GGPS1: variants seen among roughly 807,000 people sequenced by gnomAD.
The protein encoded by GGPS1 is geranylgeranyl diphosphate synthase 1.
Under a neutral mutation model 28.1 loss-of-function variants are expected in GGPS1, and 15 were observed. That is an observed-to-expected ratio of 0.53 (90% CI 0.36 to 0.82). The LOEUF is 0.82. Ranked by LOEUF, GGPS1 falls within the 40% of genes least tolerant of loss-of-function variation. The probability of loss-of-function intolerance (pLI) is 0.01; values close to 1 mark genes in which losing one functional copy is unlikely to be tolerated. For missense variants in GGPS1, 284 were observed against 348.3 expected (o/e 0.82, Z 1.47); for synonymous variants, 138 against 122.4 (o/e 1.13, Z -0.84).
At chr1:235,333,577 A>C (rs1675780626) in intron 1 of GGPS1, among the ~76,000 whole-genome samples, 1 of 151,974 alleles carries the variant, frequency 6.6e-6, no homozygotes, top group South Asian at 2.1e-4. Flanking sequence ...CAAAAAAAAA[A>C]AACAAAAGGA....
In GGPS1 at chr1:235,343,192, C is replaced by T. The variant is rs1308552804; in HGVS notation, c.*420C>T. ...CCAAAGACCACAAATCTCTTTTTTTCCTAAACGCTGCTGTAAGGAATATCT... is the reference window on the plus strand; with the variant it reads ...CCAAAGACCACAAATCTCTTTTTTTTCTAAACGCTGCTGTAAGGAATATCT... On this transcript the variant is annotated 3_prime_UTR_variant, in exon 4 of 4. Coordinates refer to ENST00000282841, the MANE Select transcript of GGPS1 (RefSeq NM_004837.4). 3 of 168,402 alleles carry T rather than the reference C, an allele frequency of 1.8e-5. No homozygotes were observed. The highest frequency in any genetic ancestry group is 7.2e-5 in the African/African-American group (3 of 41,464). 10.4% of individuals were successfully genotyped at this position (168,402 alleles called of 1,614,324 possible).
chr1:235,335,342 T>G lies in GGPS1; in HGVS notation c.70+8T>G. The G allele has an allele frequency of 7.5e-7, 1 of 1,335,020 alleles. No individual in the cohort carries two copies. Among genetic ancestry groups the G allele is most frequent in the South Asian group, 1.2e-5 (1 of 84,068 alleles). The allele number at this position is 1,335,020 out of a possible 1,614,324, so 82.7% of individuals were successfully genotyped here. A position where few individuals can be genotyped will look rare whatever the true frequency, so the allele number is the denominator to read the frequency against. ...ACTTACTTCAGTTACCAGGTAATAC[T>G]TCACTTACAGTCCATATAGGGTCAT... On this transcript the variant is annotated splice_region_variant and intron_variant, in intron 2 of 3. Transcript: ENST00000282841.
At position 235,343,500 on chromosome 1, in the gene GGPS1, G is replaced by C. The variant is rs1234574300; in HGVS notation, c.*728G>C. 2 of 166,022 alleles carry C rather than the reference G, an allele frequency of 1.2e-5. No individual in the cohort carries two copies. The highest frequency in any genetic ancestry group is 2.9e-5 in the Non-Finnish European group (2 of 68,238). The allele number at this position is 166,022 out of a possible 1,614,324, so 10.3% of individuals were successfully genotyped here. A position where few individuals can be genotyped will look rare whatever the true frequency, so the allele number is the denominator to read the frequency against. Reference sequence around the variant, plus strand: ...CAGGAGGCGGAGCTTGCAGTGAGCCGAGATAGTGCCTCTGCACTCCAGCCT... The same window carrying C: ...CAGGAGGCGGAGCTTGCAGTGAGCCCAGATAGTGCCTCTGCACTCCAGCCT... On this transcript the variant is annotated 3_prime_UTR_variant, in exon 4 of 4. Coordinates refer to ENST00000282841, the MANE Select transcript of GGPS1 (RefSeq NM_004837.4).
At chr1:235,341,869 T>G (rs542868262) in intron 3 of GGPS1, 91 bp downstream of exon 3, 1 of 915,566 alleles carries the variant, frequency 1.1e-6, no homozygotes, top group Admixed American at 2.3e-5. Context: ...TTAGTCCTCA[T>G]GCAAGATATT....
chr1:235,327,471 C>G (rs1347454596), upstream of GGPS1: 1 of 152,240 alleles, frequency 6.6e-6, no homozygotes, highest in South Asian at 2.1e-4. Flanking sequence ...GGAGCGAGAT[C>G]AACATCTGGC....
In GGPS1 at chr1:235,328,574, T is replaced by A. The variant is rs1171125612; in HGVS notation, c.-228T>A. The A allele has an allele frequency of 6.6e-6, 1 of 152,626 alleles. No homozygotes were observed. Among genetic ancestry groups the A allele is most frequent in the Non-Finnish European group, 1.5e-5 (1 of 68,134 alleles). 9.5% of individuals were successfully genotyped at this position (152,626 alleles called of 1,614,324 possible). ...AGGCGGCAACGACGCCTGCGCAGTG[T>A]GACCGGGATGGCGCATTTTCTTGCA... On this transcript the variant is annotated 5_prime_UTR_variant, in exon 1 of 4. Coordinates refer to ENST00000282841, the MANE Select transcript of GGPS1 (RefSeq NM_004837.4).
intron 1 of GGPS1, chr1:235,329,856 G>T (rs1011680663): frequency 6.6e-6 from 1 of 152,234 alleles, no homozygotes; most frequent in African/African-American, 2.4e-5. Flanking sequence ...CGACGAGGAG[G>T]CTATTGCCGT....
At chr1:235,337,318 C>T (rs1413394806) in intron 2 of GGPS1, among the ~76,000 whole-genome samples, 1 of 152,142 alleles carries the variant, frequency 6.6e-6, no homozygotes, top group African/African-American at 2.4e-5. Context: ...ATGCTGTGAC[C>T]ACCTTCTGTG....
chr1:235,340,559 A>AC (rs1676006634), intron 2 of GGPS1, among the ~76,000 whole-genome samples: 2 of 149,882 alleles, frequency 1.3e-5, no homozygotes, highest in South Asian at 4.2e-4. Context: ...ACACGGTGAA[A>AC]CCCCGTCTCT....
chr1:235,340,880 G>A (rs1209437548), intron 2 of GGPS1, among the ~76,000 whole-genome samples: 1 of 151,330 alleles, frequency 6.6e-6, no homozygotes, highest in Non-Finnish European at 1.5e-5. Flanking sequence ...TCTCATTTTT[G>A]AAAGGAAAGA....
At position 235,342,192 on chromosome 1, in the gene GGPS1, A is replaced by G. The variant is rs1219660019; in HGVS notation, c.323A>G (p.His108Arg). Residue 108 changes from histidine to arginine, a missense_variant, in exon 4 of 4, where the codon CAC becomes CGC. By Grantham distance (29) the His-to-Arg change is conservative (BLOSUM62 0). Coordinates refer to ENST00000282841, the MANE Select transcript of GGPS1 (RefSeq NM_004837.4). Reference protein sequence around the residue: ...LGLEKVLTLDHPDAVKLFTRQ... With the variant: ...LGLEKVLTLDRPDAVKLFTRQ... ...TTGGAGAAAGTCTTAACCCTTGATC[A>G]CCCAGATGCAGTGAAGCTTTTTACC... 2 of 1,613,880 alleles carry G rather than the reference A, an allele frequency of 1.2e-6. No homozygotes were observed. Among genetic ancestry groups the G allele is most frequent in the South Asian group, 2.2e-5 (2 of 91,052 alleles).
chr1:235,338,867 A>G (rs1054025706), intron 2 of GGPS1, among the ~76,000 whole-genome samples: 1 of 152,040 alleles, frequency 6.6e-6, no homozygotes, highest in African/African-American at 2.4e-5. Flanking sequence ...CCCTGTCTCA[A>G]AAATAATAAT....
chr1:235,339,209 G>T (rs1675955616), intron 2 of GGPS1, among the ~76,000 whole-genome samples: 1 of 151,958 alleles, frequency 6.6e-6, no homozygotes, highest in East Asian at 1.9e-4. Context: ...TGAGGCAGGA[G>T]AATCGCTTGA....
intron 3 of GGPS1, 44 bp from the exon 4 acceptor site, chr1:235,341,966 GT>G: frequency 8.2e-7 from 1 of 1,226,598 alleles, no homozygotes; most frequent in East Asian, 2.4e-5. Context: ...AACTGAGTAA[GT>G]TTTGAATAGT....
intron 2 of GGPS1, among the ~76,000 whole-genome samples, chr1:235,339,135 T>G (rs917646518): frequency 1.3e-5 from 2 of 151,798 alleles, no homozygotes; most frequent in African/African-American, 4.8e-5. Flanking sequence ...CCGTCTCTAC[T>G]AAAAATACAA....
rs1676128125 is a variant in GGPS1, at chr1:235,343,781, G to GA, written c.*1010dup. ...CCTTTCCAATTGGGAAGCGGAAAAA[G>GA]AGAGTATGGGATATTTTAGAAGGGA... On this transcript the variant is annotated 3_prime_UTR_variant, in exon 4 of 4. Coordinates refer to ENST00000282841, the MANE Select transcript of GGPS1 (RefSeq NM_004837.4). The GA allele has an allele frequency of 6.0e-6, 1 of 166,894 alleles. No homozygotes were observed. The highest frequency in any genetic ancestry group is 2.1e-4 in the South Asian group (1 of 4,824). 10.3% of individuals were successfully genotyped at this position (166,894 alleles called of 1,614,324 possible).
chr1:235,335,256 TTAAATCCAATG>T lies in GGPS1; in HGVS notation c.-8_3del. The T allele has an allele frequency of 6.9e-7, 1 of 1,441,812 alleles. No individual in the cohort carries two copies. The highest frequency in any genetic ancestry group is 1.4e-5 in the African/African-American group (1 of 71,330). 89.3% of individuals were successfully genotyped at this position (1,441,812 alleles called of 1,614,324 possible). On this transcript the variant is annotated start_lost and 5_prime_UTR_variant, in exon 2 of 4. Transcript: ENST00000282841. ...CTTTTTGACAGATTAGCTTTGAAGT[TTAAATCCAATG>T]GAGAAGACTCAAGAAACAGTCCAAA... is the stretch of plus-strand genomic sequence containing the variant.
intron 2 of GGPS1, among the ~76,000 whole-genome samples, chr1:235,339,021 C>T (rs1187850409): frequency 6.6e-6 from 1 of 151,630 alleles, no homozygotes; most frequent in Non-Finnish European, 1.5e-5. Flanking sequence ...AAAAATTGGC[C>T]GGGCGCGGTA....
chr1:235,332,430 TTG>T (rs1427871769), intron 1 of GGPS1, among the ~76,000 whole-genome samples: 4 of 146,926 alleles, frequency 2.7e-5, no homozygotes, highest in Non-Finnish European at 6.0e-5. Context: ...TAATCATTCG[TTG>T]TATATATACC....
Sources: allele counts gnomAD v4.1 joint callset (sites outside exome capture counted in the v4.1 genomes callset), GRCh38; gene constraint gnomAD v4.1.1; transcripts MANE v1.5; gene names NCBI Gene and HGNC (gene_info 2026-07-23, HGNC 2026-07-21).